The following BCAR3 variants were observed in gnomAD, a reference collection of about 807,000 sequenced individuals.
BCAR3 encodes BCAR3 adaptor protein, NSP family member.
BCAR3 carries 37 observed loss-of-function variants against 80.1 expected under a neutral mutation model. The observed-to-expected ratio is 0.46, with a 90% CI of 0.36 to 0.61. The LOEUF is 0.61. Ranked by LOEUF, BCAR3 falls within the 20% of genes least tolerant of loss-of-function variation. BCAR3 has a pLI of 0.00. For synonymous variants in BCAR3, 389 were observed against 418.9 expected, an observed-to-expected ratio of 0.93 and a Z score of 0.87; for missense variants, 978 against 1,068.2, an observed-to-expected ratio of 0.92 and a Z score of 1.18.
At chr1:93,624,959 C>G (rs1046952968) in intron 3 of BCAR3, among the ~76,000 whole-genome samples, 4 of 152,188 alleles carry the variant, frequency 2.6e-5, no homozygotes, top group Admixed American at 1.3e-4. Flanking sequence ...GCCTGTAATC[C>G]CAGCACTTTG....
chr1:93,629,013 AAAG>A (rs1277749858), intron 3 of BCAR3, among the ~76,000 whole-genome samples: 1 of 152,218 alleles, frequency 6.6e-6, no homozygotes, highest in East Asian at 1.9e-4. Flanking sequence ...TACCCATTCG[AAAG>A]AAGGAGGGAG....
Position 93,846,276 on chromosome 1 carries a change from G to C in BCAR3, c.-208-564C>G, listed in dbSNP as rs554394826. On this transcript the variant is annotated intron_variant, in intron 1 of 13. Coordinates refer to the BCAR3 transcript ENST00000370244. Reference sequence around the variant, plus strand: ...CTGGGCAGGGGCGGGTATGGGTGAAGCACAGGGTGGGCCGCGGCTGGCGGG... The same window carrying C: ...CTGGGCAGGGGCGGGTATGGGTGAACCACAGGGTGGGCCGCGGCTGGCGGG... 1.6e-4 allele frequency among the ~76,000 whole-genome samples: 24 copies of C among 152,346 alleles called. No individual in the cohort carries two copies. The South Asian group carries it at 5.0e-3, about 32-fold the overall frequency.
intron 2 of BCAR3, among the ~76,000 whole-genome samples, chr1:93,666,422 C>A (rs755942892): frequency 3.3e-5 from 5 of 152,110 alleles, no homozygotes; most frequent in African/African-American, 1.2e-4. Flanking sequence ...GCCAGAGAGG[C>A]CTTCTCTCCA....
In BCAR3 at chr1:93,693,893, C is replaced by T. The variant is rs142048123; in HGVS notation, c.-12+12199G>A. ...GGAGTGGAGCTGATAGTGGTCTCCACCACCAAGGCTCTGCCTCTTGCTTGA... is the reference window on the plus strand; with the variant it reads ...GGAGTGGAGCTGATAGTGGTCTCCATCACCAAGGCTCTGCCTCTTGCTTGA... On this transcript the variant is annotated intron_variant, in intron 3 of 13. Coordinates refer to the BCAR3 transcript ENST00000370244. Among the ~76,000 whole-genome samples, 917 of 152,330 alleles carry T rather than the reference C, an allele frequency of 6.0e-3. 25 individuals carry two copies. The highest frequency in any genetic ancestry group is 0.056 in the Admixed American group (863 of 15,292).
At chr1:93,603,407 T>G (rs773130364) in intron 3 of BCAR3, among the ~76,000 whole-genome samples, 1 of 152,188 alleles carries the variant, frequency 6.6e-6, no homozygotes, top group Non-Finnish European at 1.5e-5. Context: ...GGTGTCTTAC[T>G]CTTATTCACT....
At chr1:93,698,443 A>G (rs1345594587) in intron 3 of BCAR3, among the ~76,000 whole-genome samples, 1 of 152,174 alleles carries the variant, frequency 6.6e-6, no homozygotes, top group African/African-American at 2.4e-5. Context: ...CAAGGACCTT[A>G]CTGGGTGGGG....
intron 3 of BCAR3, among the ~76,000 whole-genome samples, chr1:93,622,846 G>A (rs1044336488): frequency 1.3e-5 from 2 of 152,182 alleles, no homozygotes; most frequent in African/African-American, 4.8e-5. Flanking sequence ...TTTGCCAGTG[G>A]CTCAAAGATT....
chr1:93,627,971 T>C (rs1675500585), intron 3 of BCAR3, among the ~76,000 whole-genome samples: 1 of 152,146 alleles, frequency 6.6e-6, no homozygotes, highest in Non-Finnish European at 1.5e-5. Context: ...ATAAAAACAC[T>C]ATTAGAAAAA....
chr1:93,785,493 A>T (rs1571126270), intron 2 of BCAR3, among the ~76,000 whole-genome samples: 1 of 152,232 alleles, frequency 6.6e-6, no homozygotes, highest in East Asian at 1.9e-4. Context: ...AATACGTAAG[A>T]ATTCACAATT....
At chr1:93,690,101 C>G (rs548033479) in intron 3 of BCAR3, among the ~76,000 whole-genome samples, 1 of 152,108 alleles carries the variant, frequency 6.6e-6, no homozygotes, top group South Asian at 2.1e-4. Context: ...CCATAGGTAC[C>G]GATAGGCAGC....
At chr1:93,805,356 A>C (rs1653621840) in intron 2 of BCAR3, among the ~76,000 whole-genome samples, 3 of 152,370 alleles carry the variant, frequency 2.0e-5, no homozygotes, top group Middle Eastern at 6.8e-3. Context: ...GGAAATGAAA[A>C]GGATCCTAGA....
At chr1:93,607,941 C>G (rs377214713) in intron 3 of BCAR3, among the ~76,000 whole-genome samples, 47 of 152,308 alleles carry the variant, frequency 3.1e-4, no homozygotes, top group African/African-American at 8.4e-4. Flanking sequence ...CTGTCTTCCC[C>G]CTCCTAGTAG....
chr1:93,621,529 A>T (rs1675311371), intron 3 of BCAR3, among the ~76,000 whole-genome samples: 2 of 152,178 alleles, frequency 1.3e-5, no homozygotes, highest in Admixed American at 6.5e-5. Flanking sequence ...GGACTGATAA[A>T]GCACCCTGGC....
intron 4 of BCAR3, among the ~76,000 whole-genome samples, chr1:93,590,895 G>A (rs1674146256): frequency 6.6e-6 from 1 of 152,060 alleles, no homozygotes; most frequent in Non-Finnish European, 1.5e-5. Flanking sequence ...TACAGTGGGT[G>A]AAAATTCCCA....
At chr1:93,835,385 CG>C (rs1367519593) in intron 2 of BCAR3, among the ~76,000 whole-genome samples, 1 of 152,166 alleles carries the variant, frequency 6.6e-6, no homozygotes, top group Non-Finnish European at 1.5e-5. Flanking sequence ...AGCAGCTTAG[CG>C]TTCCAACTTC....
chr1:93,754,660 G>A (rs532889528), intron 2 of BCAR3, among the ~76,000 whole-genome samples: 100 of 152,296 alleles, frequency 6.6e-4, no homozygotes, highest in African/African-American at 2.4e-3. Context: ...ACATCGCAGT[G>A]CAGTGCATTC....
intron 2 of BCAR3, among the ~76,000 whole-genome samples, chr1:93,777,425 C>T (rs1359696290): frequency 2.5e-4 from 30 of 121,600 alleles, no homozygotes; most frequent in Middle Eastern, 4.1e-3. Flanking sequence ...TCCTCCTCCT[C>T]TTCCTCCTCC....
intron 2 of BCAR3, among the ~76,000 whole-genome samples, chr1:93,708,471 C>T (rs988652689): frequency 3.3e-5 from 5 of 152,332 alleles, no homozygotes; most frequent in African/African-American, 1.2e-4. Flanking sequence ...ACAGTGTGGA[C>T]ACTTTACAAA....
At chr1:93,835,754 G>A (rs1350205432) in intron 2 of BCAR3, among the ~76,000 whole-genome samples, 2 of 152,138 alleles carry the variant, frequency 1.3e-5, no homozygotes, top group African/African-American at 2.4e-5. Context: ...CCCCTGCCCA[G>A]GACTGGCAAA....
Sources: gnomAD v4.1 joint callset for allele counts (sites outside exome capture counted in the v4.1 genomes callset) on GRCh38, gnomAD v4.1.1 for gene constraint, MANE v1.5 for transcripts, NCBI Gene and HGNC (gene_info 2026-07-23, HGNC 2026-07-21) for gene names.